PCSK5: variants seen among roughly 807,000 people sequenced by gnomAD.
PCSK5 encodes proprotein convertase subtilisin/kexin type 5.
Under a neutral mutation model 233.2 loss-of-function variants are expected in PCSK5, and 129 were observed. That is an observed-to-expected ratio of 0.55 (90% CI 0.48 to 0.64). The LOEUF is 0.64. Ranked by LOEUF, PCSK5 falls within the 30% of genes least tolerant of loss-of-function variation. The pLI, the probability that PCSK5 is intolerant of heterozygous loss-of-function variation, is 0.00. For missense variants in PCSK5, 2,076 were observed against 2,430.1 expected (o/e 0.85, Z 3.06); for synonymous variants, 825 against 879.2 (o/e 0.94, Z 1.09).
chr9:76,270,578 G>A (rs969545284), intron 24 of PCSK5, among the ~76,000 whole-genome samples: 15 of 152,094 alleles, frequency 9.9e-5, no homozygotes, highest in African/African-American at 3.4e-4. Flanking sequence ...AATATCCTGG[G>A]GACCCCTTCT....
At chr9:76,280,474 G>T (rs1054770555) in intron 24 of PCSK5, among the ~76,000 whole-genome samples, 5 of 152,272 alleles carry the variant, frequency 3.3e-5, no homozygotes, top group Non-Finnish European at 7.4e-5. Context: ...GGACACGGTG[G>T]CTCACACCTA....
intron 23 of PCSK5, 138 bp from the exon 24 acceptor site, chr9:76,240,478 C>A: frequency 1.5e-6 from 1 of 649,328 alleles, no homozygotes; most frequent in Non-Finnish European, 2.8e-6. Flanking sequence ...CACATATATC[C>A]TCGAGGACGG....
intron 1 of PCSK5, among the ~76,000 whole-genome samples, chr9:75,911,139 G>A (rs1165917733): frequency 7.2e-6 from 1 of 137,984 alleles, no homozygotes; most frequent in African/African-American, 2.6e-5. Flanking sequence ...TCTTAGGCAA[G>A]TTAGGCATCA....
At chr9:76,205,064 A>G in intron 20 of PCSK5, 1 of 516,438 alleles carries the variant, frequency 1.9e-6, no homozygotes, top group Non-Finnish European at 3.9e-6. Context: ...CAAAAGCTGA[A>G]AAATTGTCTT....
intron 35 of PCSK5, among the ~76,000 whole-genome samples, chr9:76,349,320 G>A (rs1337766138): frequency 6.6e-6 from 1 of 151,072 alleles, no homozygotes; most frequent in East Asian, 1.9e-4. Flanking sequence ...ATGTAGAATG[G>A]GAAAAAGGAA....
intron 5 of PCSK5, among the ~76,000 whole-genome samples, chr9:76,030,722 TG>T (rs1828619859): frequency 6.6e-6 from 1 of 152,230 alleles, no homozygotes; most frequent in Admixed American, 6.5e-5. Flanking sequence ...GGCAATTCTT[TG>T]AATATTGGCT....
At chr9:76,094,539 G>C (rs537474310) in intron 7 of PCSK5, among the ~76,000 whole-genome samples, 1 of 152,048 alleles carries the variant, frequency 6.6e-6, no homozygotes, top group African/African-American at 2.4e-5. Flanking sequence ...TCATCTTATA[G>C]TCACTTCACT....
chr9:76,091,331 GAA>G (rs1831279085), intron 7 of PCSK5, among the ~76,000 whole-genome samples: 1 of 151,772 alleles, frequency 6.6e-6, no homozygotes, highest in Non-Finnish European at 1.5e-5. Context: ...GAGAGAGAGA[GAA>G]AGCGAGCGAG....
intron 2 of PCSK5, among the ~76,000 whole-genome samples, chr9:75,934,203 C>T (rs1057225810): frequency 1.3e-5 from 2 of 152,130 alleles, no homozygotes; most frequent in Non-Finnish European, 2.9e-5. Flanking sequence ...ATGCTGCACT[C>T]CCCTGCCTCC....
intron 20 of PCSK5, among the ~76,000 whole-genome samples, chr9:76,196,231 G>C (rs1411958): frequency 0.61 from 93,496 of 152,176 alleles, 29,591 homozygotes; most frequent in African/African-American, 0.7. Flanking sequence ...CATTCTTCCT[G>C]TAGTGCGCAG....
intron 7 of PCSK5, among the ~76,000 whole-genome samples, chr9:76,085,631 A>C (rs530062424): frequency 1.3e-5 from 2 of 152,318 alleles, no homozygotes; most frequent in South Asian, 4.1e-4. Context: ...TGTTTTAATT[A>C]AGACAGGATT....
intron 8 of PCSK5, among the ~76,000 whole-genome samples, chr9:76,096,529 A>G (rs889021723): frequency 7.9e-5 from 12 of 152,108 alleles, no homozygotes; most frequent in African/African-American, 1.2e-4. Context: ...ACAAAAGTGT[A>G]TAAGGAAACT....
At chr9:76,112,367 T>A (rs1417899205) in intron 9 of PCSK5, among the ~76,000 whole-genome samples, 1 of 152,168 alleles carries the variant, frequency 6.6e-6, no homozygotes, top group Non-Finnish European at 1.5e-5. Context: ...AAGAATACCC[T>A]GCTGTGAGAA....
chr9:76,310,359 C>G (rs933600340), intron 29 of PCSK5, among the ~76,000 whole-genome samples: 2 of 151,936 alleles, frequency 1.3e-5, no homozygotes, highest in African/African-American at 4.8e-5. Context: ...TGCCTTACAC[C>G]AGGAAGACAT....
intron 20 of PCSK5, among the ~76,000 whole-genome samples, chr9:76,215,934 G>C (rs1825512505): frequency 7.0e-6 from 1 of 143,542 alleles, no homozygotes; most frequent in Admixed American, 7.0e-5. Context: ...GCATGATTCT[G>C]TCTAAAAAAA....
chr9:76,307,835 A>C (rs373724063), intron 28 of PCSK5, among the ~76,000 whole-genome samples: 5 of 152,308 alleles, frequency 3.3e-5, no homozygotes, highest in Middle Eastern at 3.4e-3. Context: ...AAAAACAGAA[A>C]AAAAAAAGAA....
At position 76,022,902 on chromosome 9, in the gene PCSK5, A is replaced by G. The variant is rs144714192; in HGVS notation, c.412-836A>G. ...GGCTACAAATTATGGTACAATAGCC[A>G]TTGTTAATTTAGTGAAAGAAGTGTG... On this transcript the variant is annotated intron_variant, in intron 3 of 37. Coordinates refer to ENST00000674117, the MANE Select transcript of PCSK5 (RefSeq NM_001372043.1). Among the ~76,000 whole-genome samples, 62 of 152,278 alleles carry G rather than the reference A, an allele frequency of 4.1e-4. No homozygotes were observed. In the East Asian group the frequency reaches 0.012, roughly 29 times the overall value.
At position 76,239,130 on chromosome 9, in the gene PCSK5, C is replaced by A. The variant is rs115199979; in HGVS notation, c.3038C>A (p.Thr1013Asn). 1,323 of 1,596,010 alleles carry A rather than the reference C, an allele frequency of 8.3e-4. 8 individuals carry two copies. The African/African-American group carries it at 0.015, about 19-fold the overall frequency. The change falls in exon 23 of 38, where the codon ACC becomes AAC. Residue 1013 changes from threonine (T) to asparagine (N), a missense_variant. Thr to Asn is a moderately conservative substitution (Grantham distance 65, BLOSUM62 0). Around this residue, in one of 6 missense-constraint regions of PCSK5, gnomAD observed 1,510 missense variants for 1,538.1 expected, o/e 0.98. Transcript: ENST00000674117. ...ATGAAGGGCTACTTCATAGCGCCCA[C>A]CAACCACACATGCCAGAAGTTAGAG... Reference protein sequence around the residue: ...RCMKGYFIAPTNHTCQKLECG... With the variant: ...RCMKGYFIAPNNHTCQKLECG...
chr9:76,209,511 T>C (rs753184516), intron 20 of PCSK5: 2 of 516,180 alleles, frequency 3.9e-6, no homozygotes, highest in Non-Finnish European at 3.9e-6. Flanking sequence ...TGACATGTAG[T>C]AGGCGCTCAA....
Sources: gnomAD v4.1 joint callset for allele counts (sites outside exome capture counted in the v4.1 genomes callset) on GRCh38, gnomAD v4.1.1 for gene constraint, gnomAD v4.1.1 regional missense constraint, MANE v1.5 for transcripts, NCBI Gene and HGNC (gene_info 2026-07-23, HGNC 2026-07-21) for gene names.